The following LRP5 variants were observed in gnomAD, a reference collection of about 807,000 sequenced individuals.
LRP5 encodes LDL receptor related protein 5, also known as low-density lipoprotein receptor-related protein 5.
In LRP5, 62 loss-of-function variants were observed where a neutral mutation model predicts 154.1. That is an observed-to-expected ratio of 0.40 (90% CI 0.33 to 0.50). LRP5 has a LOEUF of 0.50. LRP5 is among the 20% of genes least tolerant of loss of function. The probability of loss-of-function intolerance (pLI) is 0.55; values close to 1 mark genes in which losing one functional copy is unlikely to be tolerated. For synonymous variants in LRP5, 966 were observed against 1,011.5 expected, an observed-to-expected ratio of 0.96 and a Z score of 0.85; for missense variants, 1,915 against 2,336.7, an observed-to-expected ratio of 0.82 and a Z score of 3.72.
intron 17 of LRP5, among the ~76,000 whole-genome samples, chr11:68,431,027 A>G (rs1487315688): frequency 6.6e-6 from 1 of 152,154 alleles, no homozygotes; most frequent in Admixed American, 6.5e-5. Context: ...CTGCTATGCC[A>G]TGGGTGTGGC....
rs142069955 is a variant in LRP5, at chr11:68,383,767, G to A, written c.1016-2549G>A. 1.1e-3 allele frequency among the ~76,000 whole-genome samples: 172 copies of A among 152,356 alleles called. 1 individual carries two copies. The Middle Eastern group carries it at 0.02, about 18-fold the overall frequency. ...TGGTATGGGGCGGCCATCCACTGGG[G>A]TGTGGGGAGGAACAGCTTTCCTGAG... On this transcript the variant is annotated intron_variant, in intron 5 of 22. Transcript: ENST00000294304.
chr11:68,319,549 T>C (rs1463719518), intron 1 of LRP5, among the ~76,000 whole-genome samples: 8 of 152,148 alleles, frequency 5.3e-5, no homozygotes, highest in Non-Finnish European at 7.4e-5. Flanking sequence ...TTTTATTTTT[T>C]CTCACTATTG....
At chr11:68,397,622 C>T (rs182821504) in intron 7 of LRP5, among the ~76,000 whole-genome samples, 24 of 150,452 alleles carry the variant, frequency 1.6e-4, no homozygotes, top group South Asian at 4.3e-4. Flanking sequence ...GGTCTGTGCG[C>T]TCGGTTGGCC....
intron 7 of LRP5, among the ~76,000 whole-genome samples, chr11:68,393,958 G>A (rs776258359): frequency 7.9e-5 from 12 of 152,032 alleles, no homozygotes; most frequent in Middle Eastern, 3.2e-3. Context: ...CCCCATTTGC[G>A]AACGAGAAAT....
At chr11:68,371,678 G>A (rs1378958684) in intron 5 of LRP5, among the ~76,000 whole-genome samples, 5 of 152,222 alleles carry the variant, frequency 3.3e-5, no homozygotes, top group South Asian at 2.1e-4. Context: ...GGGACGCCTC[G>A]CCTCGACTGA....
In LRP5 at chr11:68,425,130, C is replaced by T. The variant is rs767922063; in HGVS notation, c.3265C>T (p.Arg1089Trp). 6 of 1,613,844 alleles carry T rather than the reference C, an allele frequency of 3.7e-6. No individual in the cohort carries two copies. Among genetic ancestry groups the T allele is most frequent in the South Asian group, 2.2e-5 (2 of 91,080 alleles). ...GYLYFTNMQD[R>W]AAKIERAALD... is the part of the protein sequence containing the mutation. ...CCTGTACTTCACCAACATGCAGGACCGGGCAGCCAAGATCGAACGCGCAGC... is the reference window on the plus strand; with the variant it reads ...CCTGTACTTCACCAACATGCAGGACTGGGCAGCCAAGATCGAACGCGCAGC... The change falls in exon 15 of 23, where the codon CGG (arginine) becomes TGG (tryptophan). Residue 1089 changes from arginine (R) to tryptophan (W), a missense_variant. Coordinates refer to ENST00000294304, the MANE Select transcript of LRP5 (RefSeq NM_002335.4).
At chr11:68,402,297 T>C (rs746970926) in intron 7 of LRP5, among the ~76,000 whole-genome samples, 2 of 152,206 alleles carry the variant, frequency 1.3e-5, no homozygotes, top group South Asian at 4.1e-4. Flanking sequence ...CTCACGCGGC[T>C]GTATGCTTCC....
At chr11:68,329,108 C>A (rs1278154478) in intron 1 of LRP5, among the ~76,000 whole-genome samples, 1 of 152,212 alleles carries the variant, frequency 6.6e-6, no homozygotes, top group Non-Finnish European at 1.5e-5. Context: ...TAGTTAGAGT[C>A]GTTTCGATAC....
At chr11:68,375,357 C>T (rs937757806) in intron 5 of LRP5, among the ~76,000 whole-genome samples, 5 of 152,230 alleles carry the variant, frequency 3.3e-5, no homozygotes, top group African/African-American at 1.2e-4. Context: ...TTCCTGGCCC[C>T]CACTCTGTTT....
At chr11:68,368,439 C>G (rs746024556) in intron 5 of LRP5, among the ~76,000 whole-genome samples, 2 of 152,236 alleles carry the variant, frequency 1.3e-5, no homozygotes, top group Non-Finnish European at 2.9e-5. Flanking sequence ...GAGGCAGGAG[C>G]ATGCTGGTGT....
chr11:68,413,796 G>T lies in LRP5; in HGVS notation c.2611G>T (p.Ala871Ser), dbSNP rs758724530. The T allele has an allele frequency of 6.2e-7, 1 of 1,613,520 alleles. No individual in the cohort carries two copies. The highest frequency in any genetic ancestry group is 1.1e-5 in the South Asian group (1 of 91,084). ...CTGGAATCTGCACAGCATTGAGCGG[G>T]CCGACAAGACTAGCGGCCGGAACCG... ...TDWNLHSIER[A>S]DKTSGRNRTL... The change falls in exon 12 of 23, where the codon GCC (alanine) becomes TCC (serine). Residue 871 changes from alanine to serine, a missense_variant. Ala to Ser is a moderately conservative substitution (Grantham distance 99, BLOSUM62 1). Around this residue, in one of 3 missense-constraint regions of LRP5, gnomAD observed 1,094 missense variants for 1,210.1 expected, o/e 0.90. Coordinates refer to ENST00000294304, the MANE Select transcript of LRP5 (RefSeq NM_002335.4). This position sits in a 1 kb window ranked among gnomAD's most constrained non-coding sequence, Gnocchi z 5.1.
chr11:68,307,311 C>A, the LRP5 span, among the ~76,000 whole-genome samples: 1 of 150,784 alleles, frequency 6.6e-6, no homozygotes. Context: ...AGCTGTCCCC[C>A]ATCTCTATAA....
At chr11:68,445,568 C>A in intron 21 of LRP5, 1 of 1,310,510 alleles carries the variant, frequency 7.6e-7, no homozygotes, top group Non-Finnish European at 1.0e-6. Context: ...CCCATTATTC[C>A]GCAGGGGCTC....
chr11:68,421,579 C>T (rs1318790455), intron 13 of LRP5, among the ~76,000 whole-genome samples: 1 of 152,072 alleles, frequency 6.6e-6, no homozygotes, highest in Non-Finnish European at 1.5e-5. Context: ...CACATGGCCC[C>T]CTAGGGTCCA....
At chr11:68,374,806 G>A (rs892211123) in intron 5 of LRP5, among the ~76,000 whole-genome samples, 2 of 152,198 alleles carry the variant, frequency 1.3e-5, no homozygotes, top group Non-Finnish European at 2.9e-5. Context: ...AATACTCACT[G>A]TCAGGGCTGA....
At chr11:68,318,823 C>G (rs1489077293) in intron 1 of LRP5, among the ~76,000 whole-genome samples, 1 of 152,218 alleles carries the variant, frequency 6.6e-6, no homozygotes, top group Non-Finnish European at 1.5e-5. Flanking sequence ...CAGGGCCCTG[C>G]AGGGCTCAGA....
intron 9 of LRP5, 138 bp downstream of exon 9, chr11:68,406,951 G>T: frequency 2.5e-6 from 2 of 809,890 alleles, no homozygotes; most frequent in Non-Finnish European, 1.9e-6. Flanking sequence ...TCAAATATGA[G>T]CAAGCCTATT....
intron 21 of LRP5, among the ~76,000 whole-genome samples, chr11:68,442,419 G>A (rs1430685692): frequency 1.3e-5 from 2 of 152,080 alleles, no homozygotes; most frequent in Non-Finnish European, 2.9e-5. Context: ...CAGATGGCAG[G>A]TGTGCACCAT....
At chr11:68,332,893 G>A (rs550210435) in intron 1 of LRP5, among the ~76,000 whole-genome samples, 1 of 152,258 alleles carries the variant, frequency 6.6e-6, no homozygotes, top group East Asian at 1.9e-4. Flanking sequence ...GCTTGAAGAT[G>A]TCAGCAAGTA....
Sources: gnomAD v4.1 joint callset for allele counts (sites outside exome capture counted in the v4.1 genomes callset) on GRCh38, gnomAD v4.1.1 for gene constraint, gnomAD v4.1.1 regional missense constraint, Gnocchi (gnomAD v3.1) non-coding constraint, MANE v1.5 for transcripts, NCBI Gene and HGNC (gene_info 2026-07-23, HGNC 2026-07-21) for gene names.